CCDC30: variants seen among roughly 807,000 people sequenced by gnomAD.
CCDC30 encodes the protein coiled-coil domain-containing protein 30.
A neutral mutation model predicts 100.2 loss-of-function variants in CCDC30; 70 were observed. The ratio of observed to expected loss-of-function variants is 0.70; its 90% CI spans 0.58 to 0.85. The LOEUF is 0.85. CCDC30 is among the 40% of genes least tolerant of loss of function. The pLI, the probability that CCDC30 is intolerant of heterozygous loss-of-function variation, is 0.00. For missense variants in CCDC30, 652 were observed against 771.2 expected, an observed-to-expected ratio of 0.85 and a Z score of 1.83; for synonymous variants, 233 against 269.5, an observed-to-expected ratio of 0.86 and a Z score of 1.33.
Position 42,632,829 on chromosome 1 carries a change from C to CA in CCDC30, c.1278-4407dup, listed in dbSNP as rs200744538. Among the ~76,000 whole-genome samples, 870 of 151,140 alleles carry CA rather than the reference C, an allele frequency of 5.8e-3. 8 individuals carry two copies. The highest frequency in any genetic ancestry group is 0.02 in the African/African-American group (828 of 41,284). The stretch of plus-strand genomic sequence containing the variant: ...TGGCAATACAGTGTTCTGTTTTTTT[C>CA]AGAGACAGCCTTGCTCTGTTGCTCA... On this transcript the variant is annotated intron_variant, in intron 11 of 16. Coordinates refer to ENST00000668663, the Ensembl canonical transcript of CCDC30.
intron 6 of CCDC30, chr1:42,537,459 C>T (rs1041618495): frequency 2.8e-6 from 1 of 354,460 alleles, no homozygotes; most frequent in African/African-American, 2.2e-5. Flanking sequence ...GGAGGCCACC[C>T]TCTACCTTCT....
At chr1:42,557,946 A>AC (rs1199074271) in intron 6 of CCDC30, among the ~76,000 whole-genome samples, 2 of 151,886 alleles carry the variant, frequency 1.3e-5, no homozygotes, top group Non-Finnish European at 1.5e-5. Context: ...AAAACAAAAG[A>AC]CCCCTGTGTA....
At chr1:42,461,649 C>G (rs1289816082), upstream of CCDC30, among the ~76,000 whole-genome samples, 1 of 151,742 alleles carries the variant, frequency 6.6e-6, no homozygotes, top group African/African-American at 2.4e-5. Context: ...CGGGTTCACA[C>G]CATTCTCCTT....
chr1:42,570,734 T>C (rs1645716712), intron 7 of CCDC30, among the ~76,000 whole-genome samples: 1 of 152,234 alleles, frequency 6.6e-6, no homozygotes, highest in Non-Finnish European at 1.5e-5. Context: ...TTATACCTTG[T>C]GTCTGCCTTA....
At chr1:42,631,378 G>T (rs907148352) in intron 11 of CCDC30, among the ~76,000 whole-genome samples, 2 of 152,168 alleles carry the variant, frequency 1.3e-5, no homozygotes, top group African/African-American at 4.8e-5. Flanking sequence ...GGGGTGGCAT[G>T]ACACAAGCAC....
chr1:42,585,916 A>T (rs1408296976), intron 9 of CCDC30, among the ~76,000 whole-genome samples: 2 of 145,144 alleles, frequency 1.4e-5, no homozygotes, highest in Non-Finnish European at 3.1e-5. Context: ...GATATATCAT[A>T]CTTTATGTAA....
chr1:42,501,121 T>C (rs1466156782), intron 6 of CCDC30, among the ~76,000 whole-genome samples: 1 of 152,196 alleles, frequency 6.6e-6, no homozygotes, highest in Non-Finnish European at 1.5e-5. Flanking sequence ...TCACAAAATA[T>C]GTTTCTTATA....
intron 7 of CCDC30, among the ~76,000 whole-genome samples, chr1:42,572,371 T>C (rs1242461858): frequency 6.6e-6 from 1 of 152,230 alleles, no homozygotes; most frequent in East Asian, 1.9e-4. Context: ...TCTGTCATTT[T>C]AATTTTTTCA....
chr1:42,466,171 A>G (rs1643575347), intron 1 of CCDC30, among the ~76,000 whole-genome samples: 1 of 152,196 alleles, frequency 6.6e-6, no homozygotes, highest in Non-Finnish European at 1.5e-5. Context: ...ACCTGACAGC[A>G]TATTTCAGTT....
chr1:42,462,027 G>A (rs1451846682), upstream of CCDC30, among the ~76,000 whole-genome samples: 1 of 152,126 alleles, frequency 6.6e-6, no homozygotes, highest in Non-Finnish European at 1.5e-5. Context: ...GGGGATATAT[G>A]GGGTTAAAAG....
intron 6 of CCDC30, among the ~76,000 whole-genome samples, chr1:42,550,939 C>A (rs6697111): frequency 0.36 from 54,560 of 152,048 alleles, 9,964 homozygotes; most frequent in Admixed American, 0.4. Context: ...TTCTACTAGG[C>A]TTTAATTCAC....
chr1:42,505,218 T>C (rs938116605), intron 6 of CCDC30, among the ~76,000 whole-genome samples: 3 of 151,160 alleles, frequency 2.0e-5, no homozygotes, highest in African/African-American at 7.3e-5. Context: ...CCTAAAGAAA[T>C]TTCTGCGTTA....
intron 6 of CCDC30, among the ~76,000 whole-genome samples, chr1:42,504,567 G>A (rs979168843): frequency 1.3e-5 from 2 of 152,296 alleles, no homozygotes; most frequent in South Asian, 4.1e-4. Flanking sequence ...ATACTCATTT[G>A]CCTCCACCAG....
At chr1:42,606,203 CATAAA>C (rs1302646102) in intron 10 of CCDC30, among the ~76,000 whole-genome samples, 3 of 152,160 alleles carry the variant, frequency 2.0e-5, no homozygotes, top group Admixed American at 2.0e-4. Context: ...ATCATAACTG[CATAAA>C]ATTAACTATA....
intron 6 of CCDC30, among the ~76,000 whole-genome samples, chr1:42,535,319 G>A (rs977623706): frequency 2.6e-5 from 4 of 152,002 alleles, no homozygotes; most frequent in Non-Finnish European, 5.9e-5. Flanking sequence ...TTCTATAAGT[G>A]AGGAGCCCAT....
At chr1:42,639,004 G>C (rs1647222927) in intron 12 of CCDC30, among the ~76,000 whole-genome samples, 1 of 151,928 alleles carries the variant, frequency 6.6e-6, no homozygotes, top group Non-Finnish European at 1.5e-5. Context: ...TCATACTTTT[G>C]CATTTTGCTT....
At chr1:42,496,028 CAT>C (rs1186270879) in intron 4 of CCDC30, among the ~76,000 whole-genome samples, 1 of 152,018 alleles carries the variant, frequency 6.6e-6, no homozygotes, top group Non-Finnish European at 1.5e-5. Flanking sequence ...TGTGCACTGA[CAT>C]GAATAGATTT....
At chr1:42,526,630 C>A (rs1382507251) in intron 6 of CCDC30, among the ~76,000 whole-genome samples, 1 of 152,142 alleles carries the variant, frequency 6.6e-6, no homozygotes, top group Non-Finnish European at 1.5e-5. Flanking sequence ...ACTCTCTAGA[C>A]TTAATGTTCT....
At chr1:42,488,979 T>G (rs1469602719) in intron 3 of CCDC30, among the ~76,000 whole-genome samples, 2 of 152,220 alleles carry the variant, frequency 1.3e-5, no homozygotes, top group African/African-American at 4.8e-5. Flanking sequence ...TATATGTAGT[T>G]CCAGAACTAC....
Sources: gnomAD v4.1 joint callset for allele counts (sites outside exome capture counted in the v4.1 genomes callset) on GRCh38, gnomAD v4.1.1 for gene constraint, MANE v1.5 for transcripts, NCBI Gene and HGNC (gene_info 2026-07-23, HGNC 2026-07-21) for gene names.